CDH18: variants seen among roughly 807,000 people sequenced by gnomAD.
CDH18 encodes cadherin 18.
In CDH18, 31 loss-of-function variants were observed where a neutral mutation model predicts 67.9. The ratio of observed to expected loss-of-function variants is 0.46; its 90% confidence interval spans 0.34 to 0.62. CDH18 has a LOEUF of 0.62. Among genes scored for constraint, CDH18 ranks in the 20% least tolerant of loss-of-function variants. CDH18 has a pLI of 0.01. For synonymous variants in CDH18, 362 were observed against 347.2 expected (o/e 1.04, Z -0.48); for missense variants, 890 against 975.5 (o/e 0.91, Z 1.17).
chr5:20,479,644 T>C (rs921447402), intron 1 of CDH18, among the ~76,000 whole-genome samples: 1 of 151,986 alleles, frequency 6.6e-6, no homozygotes, highest in South Asian at 2.1e-4. Flanking sequence ...ACAGGGCAAA[T>C]CTAGGAGTTA....
chr5:19,922,946 T>G (rs1792669188), intron 2 of CDH18, among the ~76,000 whole-genome samples: 1 of 152,190 alleles, frequency 6.6e-6, no homozygotes, highest in African/African-American at 2.4e-5. Flanking sequence ...AATATCCTTT[T>G]TAAAAATTTA....
intron 1 of CDH18, among the ~76,000 whole-genome samples, chr5:20,362,290 A>T (rs1422400908): frequency 1.3e-5 from 2 of 152,136 alleles, no homozygotes; most frequent in Admixed American, 6.5e-5. Context: ...GCAAAATGGG[A>T]CTGGGCTCAA....
intron 3 of CDH18, among the ~76,000 whole-genome samples, chr5:19,820,288 CCGGGCACAGA>C (rs1561371452): frequency 6.6e-6 from 1 of 152,150 alleles, no homozygotes; most frequent in African/African-American, 2.4e-5. Flanking sequence ...ACCTAGCAAT[CCGGGCACAGA>C]AGGTTTGGCA....
At chr5:20,006,289 T>G (rs540075114) in intron 2 of CDH18, among the ~76,000 whole-genome samples, 4 of 151,986 alleles carry the variant, frequency 2.6e-5, no homozygotes, top group African/African-American at 9.6e-5. Context: ...AAATTTATTT[T>G]CCACAGAAGT....
intron 2 of CDH18, among the ~76,000 whole-genome samples, chr5:20,050,684 G>A (rs999989866): frequency 3.9e-5 from 6 of 151,958 alleles, no homozygotes; most frequent in African/African-American, 1.4e-4. Context: ...CAATAAGAAG[G>A]TTAATGCTTA....
intron 2 of CDH18, among the ~76,000 whole-genome samples, chr5:20,090,622 T>C (rs892725101): frequency 3.3e-5 from 5 of 152,006 alleles, no homozygotes; most frequent in Non-Finnish European, 2.9e-5. Context: ...TGGAAACAAA[T>C]ATGTAATTGA....
intron 3 of CDH18, among the ~76,000 whole-genome samples, chr5:19,773,076 C>A (rs1193659875): frequency 1.4e-4 from 21 of 151,888 alleles, no homozygotes; most frequent in Admixed American, 1.2e-3. Context: ...TAGATATTAC[C>A]TACATACATA....
chr5:19,501,046 T>C (rs947440520), intron 11 of CDH18, among the ~76,000 whole-genome samples: 11 of 151,478 alleles, frequency 7.3e-5, no homozygotes, highest in Non-Finnish European at 1.5e-4. Flanking sequence ...GGAAGGAGAA[T>C]CGCTTGGACC....
chr5:20,495,313 C>T (rs1425623906), intron 1 of CDH18, among the ~76,000 whole-genome samples: 1 of 151,986 alleles, frequency 6.6e-6, no homozygotes, highest in Admixed American at 6.6e-5. Context: ...AATGTTAAGG[C>T]CCTTTTAATG....
Position 19,520,639 on chromosome 5 carries a change from A to T in CDH18, c.1512+18T>A. ...ATTTATTCCATTCAAATGAGGAGGA[A>T]GGAAACAATTAACTTACCTGGCCAG... On this transcript the variant is annotated intron_variant, in intron 10 of 12. Coordinates refer to ENST00000382275, the MANE Select transcript of CDH18 (RefSeq NM_004934.5). 1.2e-6 allele frequency: 2 copies of T among 1,600,726 alleles called. No individual in the cohort carries two copies. The highest frequency in any genetic ancestry group is 1.7e-6 in the Non-Finnish European group (2 of 1,174,724).
At chr5:20,277,650 C>T (rs1377361309) in intron 1 of CDH18, among the ~76,000 whole-genome samples, 2 of 152,054 alleles carry the variant, frequency 1.3e-5, no homozygotes, top group Non-Finnish European at 2.9e-5. Context: ...CCCAGGAAAA[C>T]ATGACCTCAC....
chr5:20,515,048 G>C (rs1167586407), intron 1 of CDH18, among the ~76,000 whole-genome samples: 1 of 149,410 alleles, frequency 6.7e-6, no homozygotes, highest in Non-Finnish European at 1.5e-5. Flanking sequence ...ACATCAATAA[G>C]AGAAACAGCA....
At chr5:20,426,327 G>A (rs1365097621) in intron 1 of CDH18, among the ~76,000 whole-genome samples, 1 of 151,078 alleles carries the variant, frequency 6.6e-6, no homozygotes, top group Non-Finnish European at 1.5e-5. Context: ...CTCAGGAAAA[G>A]ACACTTTATG....
At chr5:20,318,234 G>A (rs1737651607) in intron 1 of CDH18, among the ~76,000 whole-genome samples, 1 of 151,988 alleles carries the variant, frequency 6.6e-6, no homozygotes, top group Admixed American at 6.6e-5. Flanking sequence ...TTTATTTTAG[G>A]TTTATTTTTA....
intron 1 of CDH18, among the ~76,000 whole-genome samples, chr5:20,331,917 T>G (rs7710987): frequency 0.99 from 150,958 of 152,270 alleles, 74,847 homozygotes; most frequent in Middle Eastern, 1. Context: ...TGGAAGAGAA[T>G]ATTACAGAGT....
chr5:19,735,947 AT>A (rs1253528812), intron 4 of CDH18, among the ~76,000 whole-genome samples: 1 of 152,216 alleles, frequency 6.6e-6, no homozygotes, highest in Non-Finnish European at 1.5e-5. Context: ...TATGTAAAAG[AT>A]TATTTTTTTG....
At chr5:20,175,035 C>T (rs1030273708) in intron 2 of CDH18, among the ~76,000 whole-genome samples, 16 of 152,024 alleles carry the variant, frequency 1.1e-4, no homozygotes, top group African/African-American at 3.6e-4. Flanking sequence ...ATGGTCTAGA[C>T]TGTGTCTGTT....
chr5:19,683,144 A>G (rs1175274309), intron 5 of CDH18, among the ~76,000 whole-genome samples: 3 of 131,786 alleles, frequency 2.3e-5, no homozygotes, highest in Non-Finnish European at 5.2e-5. Flanking sequence ...AAATTTTCTG[A>G]AATTTGTGTT....
chr5:19,880,102 G>A (rs929325481), intron 2 of CDH18, among the ~76,000 whole-genome samples: 11 of 151,764 alleles, frequency 7.2e-5, no homozygotes, highest in Non-Finnish European at 1.0e-4. Context: ...TCTATTTTGG[G>A]AAAATGCTCA....
Sources: gnomAD v4.1 joint callset for allele counts (sites outside exome capture counted in the v4.1 genomes callset) on GRCh38, gnomAD v4.1.1 for gene constraint, MANE v1.5 for transcripts, NCBI Gene and HGNC (gene_info 2026-07-23, HGNC 2026-07-21) for gene names.